Variants in PBX1 observed in about 807,000 individuals in gnomAD.
PBX1 encodes pre-B-cell leukemia transcription factor 1.
Under a neutral mutation model 53.4 loss-of-function variants are expected in PBX1, and 6 were observed. The observed-to-expected ratio is 0.11, with a 90% CI of 0.06 to 0.22. PBX1 has a LOEUF of 0.22. PBX1 is among the 10% of genes least tolerant of loss of function. The probability of loss-of-function intolerance (pLI) is 1.00; values close to 1 mark genes in which losing one functional copy is unlikely to be tolerated. For missense variants in PBX1, 251 were observed against 551.4 expected (o/e 0.46, Z 5.46); for synonymous variants, 204 against 212.3 (o/e 0.96, Z 0.34).
intron 2 of PBX1, among the ~76,000 whole-genome samples, chr1:164,867,699 G>A (rs761080349): frequency 8.5e-5 from 13 of 152,230 alleles, no homozygotes; most frequent in African/African-American, 1.2e-4. Context: ...AAAGGGAAGC[G>A]CGGGAGGAGT....
intron 2 of PBX1, among the ~76,000 whole-genome samples, chr1:164,604,539 T>C (rs1656422185): frequency 6.6e-6 from 1 of 152,216 alleles, no homozygotes; most frequent in South Asian, 2.1e-4. Context: ...CAGGATCTAG[T>C]GATTTGGCCT....
intron 4 of PBX1, among the ~76,000 whole-genome samples, chr1:164,805,569 A>G (rs1264180816): frequency 1.3e-5 from 2 of 152,204 alleles, no homozygotes; most frequent in Admixed American, 6.5e-5. Flanking sequence ...AGTAATGCTA[A>G]TGCAAACAAC....
At chr1:164,858,708 A>C (rs180984659) in intron 2 of PBX1, among the ~76,000 whole-genome samples, 3 of 152,342 alleles carry the variant, frequency 2.0e-5, no homozygotes, top group African/African-American at 7.2e-5. Context: ...TGCAAAGCAA[A>C]CACTGGAAGG....
chr1:164,787,799 T>C (rs538319262), intron 2 of PBX1: 1 of 152,336 alleles, frequency 6.6e-6, no homozygotes, highest in Admixed American at 6.5e-5. Flanking sequence ...TGACAATTCC[T>C]GTATAAATCA....
At chr1:164,709,491 C>T (rs1023893357) in intron 2 of PBX1, among the ~76,000 whole-genome samples, 4 of 151,882 alleles carry the variant, frequency 2.6e-5, no homozygotes, top group African/African-American at 9.7e-5. Flanking sequence ...CTCATGTTTC[C>T]AGGATATTTT....
chr1:164,655,111 T>A (rs1269803645), intron 2 of PBX1, among the ~76,000 whole-genome samples: 9 of 150,802 alleles, frequency 6.0e-5, no homozygotes, highest in East Asian at 5.8e-4. Flanking sequence ...TTTTTTTTTT[T>A]TTTTTATTTT....
At chr1:164,665,477 G>A (rs1660751033) in intron 2 of PBX1, among the ~76,000 whole-genome samples, 2 of 152,268 alleles carry the variant, frequency 1.3e-5, no homozygotes, top group Admixed American at 1.3e-4. Context: ...AATAGAGACA[G>A]CGTTTCACCA....
chr1:164,841,213 T>C (rs1671274530), intron 8 of PBX1, among the ~76,000 whole-genome samples: 1 of 152,048 alleles, frequency 6.6e-6, no homozygotes, highest in African/African-American at 2.4e-5. Flanking sequence ...TGCAAAGATA[T>C]TCAAATTCAG....
chr1:164,592,480 A>G (rs1417597476), intron 2 of PBX1, among the ~76,000 whole-genome samples: 2 of 152,204 alleles, frequency 1.3e-5, no homozygotes, highest in East Asian at 3.8e-4. Flanking sequence ...TGAGAAAGGA[A>G]AGGAGAAGTT....
intron 6 of PBX1, chr1:164,813,445 T>G (rs1669718944): frequency 6.6e-6 from 1 of 152,222 alleles, no homozygotes; most frequent in African/African-American, 2.4e-5. Flanking sequence ...TTTTTCTTCC[T>G]CCATCATGGT....
chr1:164,712,126 C>T lies in PBX1; in HGVS notation c.266-80368C>T, dbSNP rs1663826920. Among the ~76,000 whole-genome samples the T allele has an allele frequency of 2.1e-5, 3 of 145,990 alleles. No homozygotes were observed. In the South Asian group the frequency reaches 6.7e-4, roughly 33 times the overall value. On this transcript the variant is annotated intron_variant, in intron 2 of 8. Transcript: ENST00000420696. ...GGAGGGGCCACTTCATTATGCCACCCAGAATATCAAAGCAGCTTAGGCGTT... is the reference window on the plus strand; with the variant it reads ...GGAGGGGCCACTTCATTATGCCACCTAGAATATCAAAGCAGCTTAGGCGTT...
intron 2 of PBX1, among the ~76,000 whole-genome samples, chr1:164,627,993 G>C (rs1337007710): frequency 6.6e-6 from 1 of 152,156 alleles, no homozygotes; most frequent in Non-Finnish European, 1.5e-5. Flanking sequence ...TTCTGTACCT[G>C]TTTTAGATTC....
intron 2 of PBX1, among the ~76,000 whole-genome samples, chr1:164,728,328 AAAAG>A (rs1664809429): frequency 2.0e-5 from 3 of 149,556 alleles, no homozygotes; most frequent in African/African-American, 2.5e-5. Context: ...CAAAAAAAAA[AAAAG>A]AGAGAGAGAG....
chr1:164,709,086 C>G (rs1281442582), intron 2 of PBX1, among the ~76,000 whole-genome samples: 1 of 152,148 alleles, frequency 6.6e-6, no homozygotes, highest in African/African-American at 2.4e-5. Flanking sequence ...TCACGGTACT[C>G]ATGGGGCCTG....
At chr1:164,829,384 A>T (rs1047777623) in intron 8 of PBX1, 2 of 152,206 alleles carry the variant, frequency 1.3e-5, no homozygotes, top group Non-Finnish European at 2.9e-5. Flanking sequence ...TGCTTCTAGA[A>T]CCATGCTGTC....
intron 8 of PBX1, among the ~76,000 whole-genome samples, chr1:164,833,600 C>T (rs553889616): frequency 2.2e-4 from 33 of 152,292 alleles, no homozygotes; most frequent in African/African-American, 6.7e-4. Context: ...AATTTCGTTT[C>T]TGACACTTAT....
chr1:164,606,680 C>T (rs757036853), intron 2 of PBX1, among the ~76,000 whole-genome samples: 2 of 152,212 alleles, frequency 1.3e-5, no homozygotes, highest in Non-Finnish European at 2.9e-5. Context: ...ATGGCAGGGA[C>T]TTTGTCTTGT....
intron 2 of PBX1, among the ~76,000 whole-genome samples, chr1:164,621,209 G>A (rs1480808473): frequency 2.0e-5 from 3 of 151,508 alleles, no homozygotes; most frequent in South Asian, 2.1e-4. Flanking sequence ...GGATGGTCTC[G>A]ATCTCTTGAC....
intron 2 of PBX1, among the ~76,000 whole-genome samples, chr1:164,604,911 A>G (rs917408304): frequency 6.6e-6 from 1 of 152,236 alleles, no homozygotes; most frequent in Non-Finnish European, 1.5e-5. Context: ...ATAAAAGTAA[A>G]GAATGGAAAA....
Sources: gnomAD v4.1 joint callset for allele counts (sites outside exome capture counted in the v4.1 genomes callset) on GRCh38, gnomAD v4.1.1 for gene constraint, MANE v1.5 for transcripts, NCBI Gene and HGNC (gene_info 2026-07-23, HGNC 2026-07-21) for gene names.